Variants in GRM7 observed in about 807,000 individuals in gnomAD.
GRM7 encodes the protein metabotropic glutamate receptor 7.
A neutral mutation model predicts 84.5 loss-of-function variants in GRM7; 35 were observed. The observed-to-expected ratio is 0.41, with a 90% CI of 0.32 to 0.55. The LOEUF is 0.55. Among genes scored for constraint, GRM7 ranks in the 20% least tolerant of loss-of-function variants. The probability of loss-of-function intolerance (pLI) is 0.19; values close to 1 mark genes in which losing one functional copy is unlikely to be tolerated. For missense variants in GRM7, 1,003 were observed against 1,194.6 expected, an observed-to-expected ratio of 0.84 and a Z score of 2.36; for synonymous variants, 487 against 455.1, an observed-to-expected ratio of 1.07 and a Z score of -0.89.
chr3:7,247,615 A>G (rs1158668876), intron 2 of GRM7, among the ~76,000 whole-genome samples: 3 of 150,618 alleles, frequency 2.0e-5, no homozygotes, highest in African/African-American at 7.3e-5. Context: ...AAAAAAAAAA[A>G]AAAAAGAAGA....
chr3:7,401,775 A>G (rs1236231011), intron 4 of GRM7, among the ~76,000 whole-genome samples: 1 of 152,084 alleles, frequency 6.6e-6, no homozygotes, highest in South Asian at 2.1e-4. Context: ...TGTGAAAATT[A>G]TATGTGTATG....
chr3:7,212,402 T>C (rs1211072133), intron 2 of GRM7, among the ~76,000 whole-genome samples: 1 of 152,248 alleles, frequency 6.6e-6, no homozygotes, highest in East Asian at 1.9e-4. Context: ...ATCCAATAAA[T>C]AGATATTAAG....
At chr3:7,539,682 A>C (rs1015771693) in intron 7 of GRM7, among the ~76,000 whole-genome samples, 1 of 151,638 alleles carries the variant, frequency 6.6e-6, no homozygotes, top group South Asian at 2.1e-4. Flanking sequence ...CTCAAAAAAA[A>C]AAAAAAAAAA....
rs564608971 is a variant in GRM7, at chr3:7,384,953, A to G, written c.1034-30070A>G. Among the ~76,000 whole-genome samples the G allele has an allele frequency of 3.3e-5, 5 of 152,246 alleles. No homozygotes were observed. The East Asian group carries it at 9.6e-4, about 29-fold the overall frequency. On this transcript the variant is annotated intron_variant, in intron 4 of 9. Transcript: ENST00000357716. ...CAAATACATTTTAAACAATAGATGT[A>G]ATACTGGAAAAAAGATAACAATTTT...
At chr3:7,502,329 A>G (rs1004437716) in intron 7 of GRM7, among the ~76,000 whole-genome samples, 15 of 152,220 alleles carry the variant, frequency 9.9e-5, no homozygotes, top group Admixed American at 2.6e-4. Context: ...ACTCCTAAAA[A>G]TATCACACTT....
At chr3:7,002,291 A>G (rs1315586258) in intron 1 of GRM7, among the ~76,000 whole-genome samples, 1 of 152,178 alleles carries the variant, frequency 6.6e-6, no homozygotes, top group Non-Finnish European at 1.5e-5. Context: ...ATTTTGTATA[A>G]TCTTTATTAG....
intron 1 of GRM7, among the ~76,000 whole-genome samples, chr3:6,873,869 T>C (rs1237104990): frequency 2.0e-5 from 3 of 152,224 alleles, no homozygotes; most frequent in Non-Finnish European, 4.4e-5. Context: ...GGAAGTTGGA[T>C]GTTAAGGCAA....
intron 2 of GRM7, among the ~76,000 whole-genome samples, chr3:7,232,816 C>T (rs1167900407): frequency 6.6e-6 from 1 of 152,130 alleles, no homozygotes; most frequent in Non-Finnish European, 1.5e-5. Flanking sequence ...AGATCTGATG[C>T]ACTCAATTTA....
intron 1 of GRM7, among the ~76,000 whole-genome samples, chr3:6,981,996 G>T (rs767672921): frequency 2.6e-5 from 4 of 152,030 alleles, no homozygotes; most frequent in African/African-American, 9.7e-5. Flanking sequence ...ACATGCACTC[G>T]TATGCCCATC....
At chr3:7,694,798 T>C (rs1211882526) in intron 9 of GRM7, among the ~76,000 whole-genome samples, 2 of 152,204 alleles carry the variant, frequency 1.3e-5, no homozygotes, top group Admixed American at 6.5e-5. Flanking sequence ...AAAAGTCCTA[T>C]GTATGGCAGA....
At chr3:7,274,550 G>A in intron 2 of GRM7, among the ~76,000 whole-genome samples, 1 of 151,960 alleles carries the variant, frequency 6.6e-6, no homozygotes, top group Non-Finnish European at 1.5e-5. Flanking sequence ...GATGGTTGAT[G>A]TTTTATTTTT....
At chr3:7,382,573 G>T (rs1168851117) in intron 4 of GRM7, among the ~76,000 whole-genome samples, 2 of 152,110 alleles carry the variant, frequency 1.3e-5, no homozygotes, top group Non-Finnish European at 2.9e-5. Context: ...CCTCATGTTT[G>T]AGTTCACTCT....
intron 7 of GRM7, among the ~76,000 whole-genome samples, chr3:7,555,380 C>G (rs1011142912): frequency 6.6e-6 from 1 of 152,178 alleles, no homozygotes; most frequent in Non-Finnish European, 1.5e-5. Flanking sequence ...TTAACTGGCT[C>G]TATAGAATCT....
chr3:7,675,507 A>G (rs1559480516), intron 8 of GRM7, among the ~76,000 whole-genome samples: 1 of 152,222 alleles, frequency 6.6e-6, no homozygotes, highest in Non-Finnish European at 1.5e-5. Context: ...TTATAAGGCA[A>G]TAAAGGCATC....
intron 1 of GRM7, among the ~76,000 whole-genome samples, chr3:6,936,078 G>T (rs1203870858): frequency 1.3e-5 from 2 of 152,122 alleles, no homozygotes; most frequent in Non-Finnish European, 2.9e-5. Context: ...AGCTCACAAA[G>T]CTCGGTGACT....
chr3:7,104,183 A>C (rs1207457247), intron 1 of GRM7, among the ~76,000 whole-genome samples: 1 of 151,518 alleles, frequency 6.6e-6, no homozygotes, highest in South Asian at 2.1e-4. Flanking sequence ...GTGAGGACAC[A>C]CTAAGTATTT....
intron 1 of GRM7, among the ~76,000 whole-genome samples, chr3:7,132,606 G>A (rs967799893): frequency 2.4e-4 from 36 of 152,060 alleles, no homozygotes; most frequent in African/African-American, 8.2e-4. Flanking sequence ...AAGAAAGAAA[G>A]CATAGCTTAC....
chr3:7,035,802 T>TA (rs1559398133), intron 1 of GRM7, among the ~76,000 whole-genome samples: 1 of 152,170 alleles, frequency 6.6e-6, no homozygotes, highest in Admixed American at 6.6e-5. Context: ...GTCTCAGAGT[T>TA]ACCTTCCCTT....
In GRM7 at chr3:7,710,325, T is replaced by C. The variant is rs547459644; in HGVS notation, c.2698+30030T>C. 1.8e-4 allele frequency among the ~76,000 whole-genome samples: 27 copies of C among 152,244 alleles called. No homozygotes were observed. In the South Asian group the frequency reaches 3.9e-3, roughly 22 times the overall value. ...AAACAAAACCCCAAAAACCTCAACA[T>C]GAAAATGCCACGGGACCTGTTTTTG... On this transcript the variant is annotated intron_variant, in intron 9 of 9. Coordinates refer to ENST00000357716, the MANE Select transcript of GRM7 (RefSeq NM_000844.4).
Sources: gnomAD v4.1 joint callset for allele counts (sites outside exome capture counted in the v4.1 genomes callset) on GRCh38, gnomAD v4.1.1 for gene constraint, MANE v1.5 for transcripts, NCBI Gene and HGNC (gene_info 2026-07-23, HGNC 2026-07-21) for gene names.